Variants in ATF6B observed in about 807,000 individuals in gnomAD.
The protein encoded by ATF6B is cyclic AMP-dependent transcription factor ATF-6 beta.
A neutral mutation model predicts 83.5 loss-of-function variants in ATF6B; 50 were observed. That is an observed-to-expected ratio of 0.60 (90% CI 0.48 to 0.76). The LOEUF (loss-of-function observed/expected upper bound fraction) is 0.76, where lower values mean the gene tolerates loss of function less well. Among genes scored for constraint, ATF6B ranks in the 30% least tolerant of loss-of-function variants. ATF6B has a pLI of 0.00. For missense variants in ATF6B, 790 were observed against 893.8 expected (o/e 0.88, Z 1.48); for synonymous variants, 344 against 362.8 (o/e 0.95, Z 0.59).
rs1781478050 is a variant in ATF6B at position 32,115,442 on chromosome 6, A to T, written c.*297T>A. On this transcript the variant is annotated 3_prime_UTR_variant, in exon 18 of 18. Coordinates refer to ENST00000375203, the MANE Select transcript of ATF6B (RefSeq NM_004381.5). ...CCCACCTCCACTGCCATAACACTAG[A>T]GAAACAAAATAAAAAATATGCAGCA... 3.1e-6 allele frequency: 1 copy of T among 322,438 alleles called. No homozygotes were observed. The highest frequency in any genetic ancestry group is 5.0e-5 in the Admixed American group (1 of 20,166). 20.0% of individuals were successfully genotyped at this position (322,438 alleles called of 1,614,324 possible).
intron 3 of ATF6B, 63 bp from the exon 4 acceptor site, chr6:32,127,257 CA>C: frequency 6.8e-7 from 1 of 1,479,174 alleles, no homozygotes; most frequent in South Asian, 1.2e-5. Flanking sequence ...AAAAAGTACC[CA>C]AGGACATGTC....
chr6:32,128,065 G>A (rs1554119182), intron 1 of ATF6B, 52 bp downstream of exon 1: 10 of 1,595,602 alleles, frequency 6.3e-6, no homozygotes, highest in South Asian at 3.3e-5. Context: ...CTTCTTTCCC[G>A]CGTGCCTCAG....
chr6:32,124,230 C>T (rs1781876311), intron 5 of ATF6B, among the ~76,000 whole-genome samples: 1 of 152,072 alleles, frequency 6.6e-6, no homozygotes, highest in Non-Finnish European at 1.5e-5. Context: ...TCAACATGTC[C>T]AACGCTGAAT....
At chr6:32,124,405 G>T (rs545565780) in intron 5 of ATF6B, among the ~76,000 whole-genome samples, 11 of 152,164 alleles carry the variant, frequency 7.2e-5, no homozygotes, top group Non-Finnish European at 1.6e-4. Flanking sequence ...TCTTTCTCAA[G>T]TCTGCTTTCT....
At position 32,119,897 on chromosome 6, in the gene ATF6B, G is replaced by A; in HGVS notation, c.893C>T (p.Ser298Phe). ...IRVQPEGPAP[S>F]LPRPERKSIV... ...GCTCTTCCTCTCAGGCCGTGGTAGAGAGGGAGCCGGCCCTTCAGGCTGGAC... is the reference window on the plus strand; with the variant it reads ...GCTCTTCCTCTCAGGCCGTGGTAGAAAGGGAGCCGGCCCTTCAGGCTGGAC... The change falls in exon 9 of 18, where the codon TCT becomes TTT. Residue 298 changes from serine (S) to phenylalanine (F), a missense_variant. Coordinates refer to ENST00000375203, the MANE Select transcript of ATF6B (RefSeq NM_004381.5). The surrounding 1 kb of genome is among the most constrained non-coding windows in gnomAD (Gnocchi z 4.9). The A allele has an allele frequency of 6.2e-7, 1 of 1,614,158 alleles. No individual in the cohort carries two copies. The highest frequency in any genetic ancestry group is 8.5e-7 in the Non-Finnish European group (1 of 1,180,032).
In ATF6B at chr6:32,127,754, C is replaced by A. The variant is rs1782046630; in HGVS notation, c.92-4G>T. The A allele has an allele frequency of 6.2e-7, 1 of 1,613,982 alleles. No homozygotes were observed. The highest frequency in any genetic ancestry group is 1.7e-5 in the Admixed American group (1 of 59,988). ...AGGCCAGAATACAAGGTGCTGTCTG[C>A]AAGAAATGCTGAGCGTCGGGGGGTC... On this transcript the variant is annotated splice_region_variant and splice_polypyrimidine_tract_variant and intron_variant, in intron 1 of 17. Transcript: ENST00000375203.
chr6:32,127,913 C>A (rs1782055698), intron 1 of ATF6B, 163 bp from the exon 2 acceptor site: 18 of 1,000,746 alleles, frequency 1.8e-5, no homozygotes, highest in Non-Finnish European at 2.5e-5. Context: ...CTTCCCCGAC[C>A]CCGGAACAAC....
At position 32,118,116 on chromosome 6, in the gene ATF6B, G is replaced by C. The variant is rs1413481099; in HGVS notation, c.1245-78C>G. The C allele has an allele frequency of 3.2e-6, 5 of 1,556,688 alleles. No individual in the cohort carries two copies. The highest frequency in any genetic ancestry group is 4.4e-6 in the Non-Finnish European group (5 of 1,135,122). On this transcript the variant is annotated intron_variant, in intron 11 of 17. Coordinates refer to ENST00000375203, the MANE Select transcript of ATF6B (RefSeq NM_004381.5). This position sits in a 1 kb window ranked among gnomAD's most constrained non-coding sequence, Gnocchi z 5.2. Reference sequence around the variant, plus strand: ...TCTAGGTAAGAATAAAGACTCTGCAGATGGACTGCTTGAGTTGCAATCTGT... The same window carrying C: ...TCTAGGTAAGAATAAAGACTCTGCACATGGACTGCTTGAGTTGCAATCTGT...
Position 32,117,542 on chromosome 6 carries a change from T to C in ATF6B, c.1532+45A>G. The stretch of plus-strand genomic sequence containing the variant: ...CCAGCCAGGCTGACTGCAGAAGGCC[T>C]TGGGAGGCCGGGGGAGCTGGATGCC... On this transcript the variant is annotated intron_variant, in intron 13 of 17. Coordinates refer to ENST00000375203, the MANE Select transcript of ATF6B (RefSeq NM_004381.5). The surrounding 1 kb of genome is among the most constrained non-coding windows in gnomAD (Gnocchi z 5.0). 6.2e-7 allele frequency: 1 copy of C among 1,604,720 alleles called. No individual in the cohort carries two copies. Among genetic ancestry groups the C allele is most frequent in the Non-Finnish European group, 8.5e-7 (1 of 1,173,770 alleles).
In ATF6B at chr6:32,121,134, G is replaced by A. The variant is rs1305643950; in HGVS notation, c.565-10C>T. On this transcript the variant is annotated splice_polypyrimidine_tract_variant and intron_variant, in intron 6 of 17. Transcript: ENST00000375203. ...CCTCTCCTATAAAAGCCTATGTGGG[G>A]CATTCCAGAGATACATTAGTCAGGA... 1.3e-6 allele frequency: 2 copies of A among 1,595,766 alleles called. No homozygotes were observed. Among genetic ancestry groups the A allele is most frequent in the African/African-American group, 1.3e-5 (1 of 74,320 alleles).
Position 32,117,891 on chromosome 6 carries a change from G to T in ATF6B, c.1392C>A (p.Pro464=), listed in dbSNP as rs760785067. 5 of 1,576,628 alleles carry T rather than the reference G, an allele frequency of 3.2e-6. No individual in the cohort carries two copies. The East Asian group carries it at 1.1e-4, about 35-fold the overall frequency. The change falls in exon 12 of 18, where the codon CCC becomes CCA. Residue 464 remains proline (P), a synonymous_variant. Coordinates refer to ENST00000375203, the MANE Select transcript of ATF6B (RefSeq NM_004381.5). This position sits in a 1 kb window ranked among gnomAD's most constrained non-coding sequence, Gnocchi z 5.0. ...LQGSSQGPKE[P]QPSPTDQPSF... is the part of the protein sequence containing the mutation. ...TGGGCTGGTCTGTGGGGCTGGGCTGGGGCTCCTTAGGGCCCTGGGAGGACC... is the reference window on the plus strand; with the variant it reads ...TGGGCTGGTCTGTGGGGCTGGGCTGTGGCTCCTTAGGGCCCTGGGAGGACC...
chr6:32,123,640 G>T (rs1196708089), intron 5 of ATF6B, among the ~76,000 whole-genome samples: 1 of 152,134 alleles, frequency 6.6e-6, no homozygotes, highest in Non-Finnish European at 1.5e-5. Context: ...TGCCCGCCTT[G>T]GCCTCCCAAA....
intron 8 of ATF6B, chr6:32,120,453 T>C (rs1432247966): frequency 1.8e-5 from 3 of 171,024 alleles, no homozygotes; most frequent in Non-Finnish European, 3.6e-5. Context: ...TTTTCTTTTT[T>C]CTTTTTTTTT....
At chr6:32,124,290 G>A (rs1781878683) in intron 5 of ATF6B, among the ~76,000 whole-genome samples, 1 of 152,116 alleles carries the variant, frequency 6.6e-6, no homozygotes, top group African/African-American at 2.4e-5. Context: ...TCTCCATCCA[G>A]TGAACAGTAA....
At position 32,125,637 on chromosome 6, in the gene ATF6B, T is replaced by G. The variant is rs1473582193; in HGVS notation, c.478+480A>C. 6.6e-6 allele frequency among the ~76,000 whole-genome samples: 1 copy of G among 152,144 alleles called. No homozygotes were observed. The highest frequency in any genetic ancestry group is 1.5e-5 in the Non-Finnish European group (1 of 68,030). ...TTAGCTGGGCGTGGTGGTGGGTGCC[T>G]GTAATCCCAGCTACTTGGGAGGCTG... On this transcript the variant is annotated intron_variant, in intron 5 of 17. Coordinates refer to ENST00000375203, the MANE Select transcript of ATF6B (RefSeq NM_004381.5). The surrounding 1 kb of genome is among the most constrained non-coding windows in gnomAD (Gnocchi z 4.1).
chr6:32,115,417 C>T lies in ATF6B; in HGVS notation c.*322G>A, dbSNP rs1781476562. The T allele has an allele frequency of 1.5e-5, 2 of 130,614 alleles. No individual in the cohort carries two copies. The highest frequency in any genetic ancestry group is 3.0e-5 in the Non-Finnish European group (2 of 66,878). 8.1% of individuals were successfully genotyped at this position (130,614 alleles called of 1,614,324 possible). ...CCTTGTCCCACCTGGGGACTAAATTCCCACCTCCACTGCCATAACACTAGA... is the reference window on the plus strand; with the variant it reads ...CCTTGTCCCACCTGGGGACTAAATTTCCACCTCCACTGCCATAACACTAGA... On this transcript the variant is annotated 3_prime_UTR_variant, in exon 18 of 18. Coordinates refer to ENST00000375203, the MANE Select transcript of ATF6B (RefSeq NM_004381.5).
rs1452437402 is a variant in ATF6B at position 32,116,303 on chromosome 6, C to T, written c.1882+177G>A. Among the ~76,000 whole-genome samples, 1 of 152,160 alleles carries T rather than the reference C, an allele frequency of 6.6e-6. No individual in the cohort carries two copies. Among genetic ancestry groups the T allele is most frequent in the Non-Finnish European group, 1.5e-5 (1 of 68,030 alleles). On this transcript the variant is annotated intron_variant, in intron 17 of 17. Transcript: ENST00000375203. This position sits in a 1 kb window ranked among gnomAD's most constrained non-coding sequence, Gnocchi z 5.1. Reference sequence around the variant, plus strand: ...CCTTCACCAGGGAAGGACCCTCACCCTTGTCTCCCTCCCAAGTCTCCTGCA... The same window carrying T: ...CCTTCACCAGGGAAGGACCCTCACCTTTGTCTCCCTCCCAAGTCTCCTGCA...
chr6:32,117,800 C>A lies in ATF6B; in HGVS notation c.1424+59G>T. ...AGCTTTGGGTCCCCCTCACTGAAAG[C>A]GGGGAGAAGACCAACTCATACCCTC... is the stretch of plus-strand genomic sequence containing the variant. On this transcript the variant is annotated intron_variant, in intron 12 of 17. Coordinates refer to ENST00000375203, the MANE Select transcript of ATF6B (RefSeq NM_004381.5). The surrounding 1 kb of genome is among the most constrained non-coding windows in gnomAD (Gnocchi z 5.0). The A allele has an allele frequency of 1.3e-6, 2 of 1,564,276 alleles. No homozygotes were observed. Among genetic ancestry groups the A allele is most frequent in the Non-Finnish European group, 8.7e-7 (1 of 1,155,060 alleles).
chr6:32,128,084 T>G, intron 1 of ATF6B, 33 bp downstream of exon 1: 1 of 1,610,126 alleles, frequency 6.2e-7, no homozygotes, highest in Non-Finnish European at 8.5e-7. Flanking sequence ...AGGGACAGTT[T>G]GCCACAGCCC....
Sources: gnomAD v4.1 joint callset for allele counts (sites outside exome capture counted in the v4.1 genomes callset) on GRCh38, gnomAD v4.1.1 for gene constraint, Gnocchi (gnomAD v3.1) non-coding constraint, MANE v1.5 for transcripts, NCBI Gene and HGNC (gene_info 2026-07-23, HGNC 2026-07-21) for gene names.